Variants in MTMR8 observed in about 807,000 individuals in gnomAD.
MTMR8 encodes myotubularin related protein 8, also known as phosphatidylinositol-3,5-bisphosphate 3-phosphatase MTMR8.
MTMR8 carries 65 observed loss-of-function variants against 39.3 expected under a neutral mutation model. The observed-to-expected ratio is 1.65, with a 90% confidence interval of 1.35 to 2.03. The LOEUF (loss-of-function observed/expected upper bound fraction) is 2.03. Ranked by LOEUF, MTMR8 falls within the 30% of genes most tolerant of loss-of-function variation. The pLI is 0.00. For synonymous variants in MTMR8, 245 were observed against 185.2 expected (o/e 1.32, Z -2.62); for missense variants, 777 against 538.9 (o/e 1.44, Z -4.37).
chrX:64,330,317 CAGAG>C (rs1388444350), intron 11 of MTMR8, among the ~76,000 whole-genome samples: 4 of 111,298 alleles, frequency 3.6e-5, no homozygotes, highest in Admixed American at 1.9e-4. Flanking sequence ...GTTGTAAAGA[CAGAG>C]AGAGAGAAAC....
At chrX:64,314,972 C>G (rs930894196) in intron 12 of MTMR8, among the ~76,000 whole-genome samples, 3 of 111,513 alleles carry the variant, frequency 2.7e-5, no homozygotes, top group Admixed American at 9.4e-5. Context: ...TCAGACTGGC[C>G]TGAGTGATGG....
intron 8 of MTMR8, among the ~76,000 whole-genome samples, chrX:64,340,611 G>C (rs190378167): frequency 9.0e-6 from 1 of 111,409 alleles, no homozygotes; most frequent in Non-Finnish European, 1.9e-5. Context: ...AAGGTAGTCA[G>C]GTTTCAGGTA....
chrX:64,315,197 G>A (rs1416299383), intron 12 of MTMR8, among the ~76,000 whole-genome samples: 4 of 112,010 alleles, frequency 3.6e-5, no homozygotes, highest in African/African-American at 1.3e-4. Context: ...ATCATGGTCT[G>A]GGGGTCTTCT....
intron 12 of MTMR8, chrX:64,305,388 C>A (rs1355112758): frequency 1.3e-5 from 3 of 233,737 alleles, no homozygotes; most frequent in Non-Finnish European, 2.4e-5. Context: ...GTTTATTATT[C>A]TTGGTACAAT....
intron 12 of MTMR8, among the ~76,000 whole-genome samples, chrX:64,281,785 T>C (rs1932019764): frequency 9.0e-6 from 1 of 110,661 alleles, no homozygotes; most frequent in Admixed American, 9.6e-5. Flanking sequence ...AGAAAATTTT[T>C]GCAATCTACC....
rs991230190 is a variant in MTMR8 at position 64,270,991 on chromosome X, T to C, written c.1564A>G (p.Lys522Glu). The change falls in exon 13 of 14, where the codon AAA becomes GAA. Residue 522 changes from lysine (K) to glutamate (E), a missense_variant. By Grantham distance (56) the Lys-to-Glu change is moderately conservative. Coordinates refer to ENST00000374852, the MANE Select transcript of MTMR8 (RefSeq NM_017677.4). ...SMLESLLEIK[K>E]QRAMLETDVH... Reference sequence around the variant, plus strand: ...TCTGTCTCCAGCATTGCTCTCTGTTTCTTAATTTCCAGGAGGCTCTCTAGC... The same window carrying C: ...TCTGTCTCCAGCATTGCTCTCTGTTCCTTAATTTCCAGGAGGCTCTCTAGC... 5.8e-6 allele frequency: 7 copies of C among 1,208,722 alleles called. No homozygotes were observed. In the African/African-American group the frequency reaches 1.2e-4, roughly 21 times the overall value.
At chrX:64,351,525 G>A (rs147748828) in intron 4 of MTMR8, among the ~76,000 whole-genome samples, 6,251 of 110,989 alleles carry the variant, frequency 0.056, 175 homozygotes, top group Non-Finnish European at 0.091. Context: ...ATAGGAAAGG[G>A]AGTTTATTAA....
chrX:64,331,655 C>T lies in MTMR8; in HGVS notation c.1254G>A (p.Glu418=), dbSNP rs1922942208. 1 of 1,210,451 alleles carries T rather than the reference C, an allele frequency of 8.3e-7. No homozygotes were observed. The highest frequency in any genetic ancestry group is 1.8e-5 in the South Asian group (1 of 56,801). Residue 418 remains glutamate, a synonymous_variant, in exon 11 of 14, where the codon GAG becomes GAA. Transcript: ENST00000374852. ...TCTCCAGCAGGAAGTTTTCATTAAA[C>T]TCAAAGGCACAGGGAAACTGTTCCA... ...QLMEQFPCAF[E]FNENFLLEIH...
intron 10 of MTMR8, among the ~76,000 whole-genome samples, chrX:64,332,328 C>A (rs1922964634): frequency 9.0e-6 from 1 of 111,553 alleles, no homozygotes; most frequent in Admixed American, 9.5e-5. Context: ...CTATCATCGA[C>A]TGAAACACTA....
At chrX:64,333,242 A>G (rs1226937254) in intron 10 of MTMR8, among the ~76,000 whole-genome samples, 1 of 111,354 alleles carries the variant, frequency 9.0e-6, no homozygotes, top group Non-Finnish European at 1.9e-5. Flanking sequence ...TAGGTCCTTA[A>G]CAACATTTTC....
intron 1 of MTMR8, among the ~76,000 whole-genome samples, chrX:64,373,198 C>T (rs1183847558): frequency 8.9e-6 from 1 of 111,919 alleles, no homozygotes; most frequent in East Asian, 2.8e-4. Context: ...TAAAGGCAGG[C>T]AGTGAGAAGC....
rs779563172 is a variant in MTMR8 at position 64,270,955 on chromosome X, G to C, written c.1600C>G (p.Leu534Val). 12 of 1,207,298 alleles carry C rather than the reference G, an allele frequency of 9.9e-6. No individual in the cohort carries two copies. In the South Asian group the frequency reaches 2.1e-4, roughly 21 times the overall value. ...RAMLETDVHE[L>V]EKKLKVRDEP... ...GGGACTTTTCTCCTCACCTTTTCTAGTTCATGCACATCTGTCTCCAGCATT... is the reference window on the plus strand; with the variant it reads ...GGGACTTTTCTCCTCACCTTTTCTACTTCATGCACATCTGTCTCCAGCATT... The change falls in exon 13 of 14, where the codon CTA (leucine) becomes GTA (valine). Residue 534 changes from leucine (L) to valine (V), a missense_variant. By Grantham distance (32) the Leu-to-Val change is conservative. Transcript: ENST00000374852.
At chrX:64,285,559 C>A (rs1350826439) in intron 12 of MTMR8, among the ~76,000 whole-genome samples, 1 of 111,712 alleles carries the variant, frequency 9.0e-6, no homozygotes, top group Non-Finnish European at 1.9e-5. Flanking sequence ...CCAAAACTGA[C>A]CACATAGTTG....
Position 64,354,730 on chromosome X carries a change from C to T in MTMR8, c.468+47G>A, listed in dbSNP as rs746328401. The T allele has an allele frequency of 9.2e-6, 10 of 1,088,970 alleles. No homozygotes were observed. The African/African-American group carries it at 1.1e-4, about 12-fold the overall frequency. The allele number at this position is 1,088,970 out of a possible 1,213,427, so 89.7% of individuals were successfully genotyped here. A position where few individuals can be genotyped will look rare whatever the true frequency, so the allele number is the denominator to read the frequency against. Reference sequence around the variant, plus strand: ...AAAATCTTGTTTCCTGATATTCTACCATCTTAATTAAATGCACCAAAAGGC... The same window carrying T: ...AAAATCTTGTTTCCTGATATTCTACTATCTTAATTAAATGCACCAAAAGGC... On this transcript the variant is annotated intron_variant, in intron 4 of 13. Transcript: ENST00000374852.
At chrX:64,393,975 T>C (rs1924757910) in intron 1 of MTMR8, among the ~76,000 whole-genome samples, 2 of 112,196 alleles carry the variant, frequency 1.8e-5, no homozygotes, top group African/African-American at 6.5e-5. Flanking sequence ...TCAGTCTGTT[T>C]TCACGCTGCT....
intron 12 of MTMR8, among the ~76,000 whole-genome samples, chrX:64,300,402 T>A (rs937606428): frequency 9.0e-6 from 1 of 111,507 alleles, no homozygotes; most frequent in Non-Finnish European, 1.9e-5. Context: ...TTGCAAACCC[T>A]GCCTTTTTTT....
intron 12 of MTMR8, chrX:64,306,511 G>C (rs1453599152): frequency 7.1e-6 from 1 of 141,222 alleles, no homozygotes; most frequent in Non-Finnish European, 1.4e-5. Context: ...GAAGCATTTT[G>C]AATAATAGCT....
chrX:64,284,578 G>A (rs766077183), intron 12 of MTMR8, among the ~76,000 whole-genome samples: 2 of 111,763 alleles, frequency 1.8e-5, no homozygotes, highest in African/African-American at 3.3e-5. Context: ...CAGAGAGAAA[G>A]GTCACATTAC....
At chrX:64,284,191 A>C (rs1460062727) in intron 12 of MTMR8, among the ~76,000 whole-genome samples, 1 of 112,480 alleles carries the variant, frequency 8.9e-6, no homozygotes, top group East Asian at 2.8e-4. Context: ...AAGCTTCAGT[A>C]GATGATTCGA....
Sources: gnomAD v4.1 joint callset for allele counts (sites outside exome capture counted in the v4.1 genomes callset) on GRCh38, gnomAD v4.1.1 for gene constraint, MANE v1.5 for transcripts, NCBI Gene and HGNC (gene_info 2026-07-23, HGNC 2026-07-21) for gene names.